Variants in PLCB1 observed in about 807,000 individuals in gnomAD.
PLCB1 encodes 1-phosphatidylinositol 4,5-bisphosphate phosphodiesterase beta-1.
A neutral mutation model predicts 161.8 loss-of-function variants in PLCB1; 46 were observed. That is an observed-to-expected ratio of 0.28 (90% CI 0.22 to 0.36). PLCB1 has a LOEUF of 0.36. Among genes scored for constraint, PLCB1 ranks in the 10% least tolerant of loss-of-function variants. The pLI, the probability that PLCB1 is intolerant of heterozygous loss-of-function variation, is 1.00. For missense variants in PLCB1, 1,016 were observed against 1,472.5 expected (o/e 0.69, Z 5.07); for synonymous variants, 517 against 503.7 (o/e 1.03, Z -0.35).
intron 2 of PLCB1, among the ~76,000 whole-genome samples, chr20:8,228,232 A>G (rs1397910177): frequency 1.3e-5 from 2 of 152,116 alleles, no homozygotes; most frequent in Admixed American, 6.5e-5. Context: ...GGCCCATACA[A>G]TTTTTACCCC....
At chr20:8,353,657 C>A (rs1258471157) in intron 2 of PLCB1, among the ~76,000 whole-genome samples, 1 of 152,088 alleles carries the variant, frequency 6.6e-6, no homozygotes, top group Non-Finnish European at 1.5e-5. Context: ...AGAAAAACAT[C>A]CTGTACCCAT....
intron 27 of PLCB1, among the ~76,000 whole-genome samples, chr20:8,781,667 C>A (rs1983245670): frequency 6.6e-6 from 1 of 152,064 alleles, no homozygotes; most frequent in Non-Finnish European, 1.5e-5. Flanking sequence ...CAATTTATAC[C>A]CAAACTGTGA....
At chr20:8,237,495 G>A (rs978884708) in intron 2 of PLCB1, among the ~76,000 whole-genome samples, 2 of 151,970 alleles carry the variant, frequency 1.3e-5, no homozygotes, top group Admixed American at 1.3e-4. Context: ...ACTTGTACTT[G>A]CCTCACATTT....
At chr20:8,492,063 T>C (rs566959669) in intron 3 of PLCB1, among the ~76,000 whole-genome samples, 106 of 152,274 alleles carry the variant, frequency 7.0e-4, no homozygotes, top group African/African-American at 2.4e-3. Flanking sequence ...TATATATTCT[T>C]GGTTCAAGGA....
chr20:8,487,649 G>A (rs942662536), intron 3 of PLCB1, among the ~76,000 whole-genome samples: 2 of 152,098 alleles, frequency 1.3e-5, no homozygotes, highest in African/African-American at 4.8e-5. Flanking sequence ...GAGAGGGTGG[G>A]GATATGTGAA....
At chr20:8,784,705 G>A (rs1013039075) in intron 27 of PLCB1, among the ~76,000 whole-genome samples, 1 of 152,100 alleles carries the variant, frequency 6.6e-6, no homozygotes, top group Admixed American at 6.5e-5. Context: ...TATACTCCTT[G>A]GGATTCTAGG....
intron 10 of PLCB1, among the ~76,000 whole-genome samples, chr20:8,695,675 C>A (rs1990569790): frequency 1.3e-5 from 2 of 152,084 alleles, no homozygotes; most frequent in African/African-American, 4.8e-5. Flanking sequence ...GCACTCTAGC[C>A]TCGGTGACAG....
chr20:8,826,683 C>G (rs1262630993), intron 31 of PLCB1, among the ~76,000 whole-genome samples: 2 of 152,162 alleles, frequency 1.3e-5, no homozygotes, highest in Non-Finnish European at 2.9e-5. Context: ...AACTCTCACT[C>G]ATCTCTCACT....
chr20:8,293,803 G>A (rs1437203698), intron 2 of PLCB1, among the ~76,000 whole-genome samples: 2 of 152,106 alleles, frequency 1.3e-5, no homozygotes, highest in African/African-American at 4.8e-5. Flanking sequence ...GATAAAACTG[G>A]CCAGTGAAAG....
At chr20:8,494,489 G>T (rs764362783) in intron 3 of PLCB1, among the ~76,000 whole-genome samples, 1 of 152,150 alleles carries the variant, frequency 6.6e-6, no homozygotes, top group African/African-American at 2.4e-5. Flanking sequence ...ATACTTGAAC[G>T]CTCTCTTTCA....
At position 8,737,062 on chromosome 20, in the gene PLCB1, T is replaced by C; in HGVS notation, c.2078T>C (p.Val693Ala). 1.2e-6 allele frequency: 2 copies of C among 1,613,526 alleles called. No individual in the cohort carries two copies. Among genetic ancestry groups the C allele is most frequent in the Non-Finnish European group, 1.7e-6 (2 of 1,179,578 alleles). Residue 693 changes from valine (V) to alanine (A), a missense_variant, in exon 20 of 32, where the codon GTT becomes GCT. Coordinates refer to ENST00000338037, the MANE Select transcript of PLCB1 (RefSeq NM_015192.4). The stretch of plus-strand genomic sequence containing the variant: ...GGTCAGTTTCTTTCTGATAAGAAAG[T>C]TGGGACTTACGTGGAAGTAGATATG... Reference protein sequence around the residue: ...ISGQFLSDKKVGTYVEVDMFG... With the variant: ...ISGQFLSDKKAGTYVEVDMFG...
In PLCB1 at chr20:8,849,625, G is replaced by A. The variant is rs370289554; in HGVS notation, c.3424-31997G>A. Among the ~76,000 whole-genome samples the A allele has an allele frequency of 4.6e-5, 7 of 151,722 alleles. No individual in the cohort carries two copies. In the East Asian group the frequency reaches 5.8e-4, roughly 13 times the overall value. Reference sequence around the variant, plus strand: ...TAGGAGGTGGAGGTTGCGTTGAGCCGAGATCATGCCACTGCACTCCAGCCT... The same window carrying A: ...TAGGAGGTGGAGGTTGCGTTGAGCCAAGATCATGCCACTGCACTCCAGCCT... On this transcript the variant is annotated intron_variant, in intron 31 of 31. Transcript: ENST00000338037.
Position 8,156,096 on chromosome 20 carries a change from C to T in PLCB1, c.177+5725C>T, listed in dbSNP as rs573730305. 5.9e-5 allele frequency among the ~76,000 whole-genome samples: 9 copies of T among 152,270 alleles called. No individual in the cohort carries two copies. In the South Asian group the frequency reaches 1.2e-3, roughly 21 times the overall value. ...CCTCACCACTCCTGAGAACATAAGC[C>T]GGGCTCCAGTGGCTGGCCAGTGCCT... On this transcript the variant is annotated intron_variant, in intron 2 of 31. Transcript: ENST00000338037.
intron 2 of PLCB1, among the ~76,000 whole-genome samples, chr20:8,215,616 G>A (rs2123152849): frequency 6.6e-6 from 1 of 152,118 alleles, no homozygotes; most frequent in Admixed American, 6.5e-5. Flanking sequence ...CTAGTTTGAG[G>A]CTAAGGCTAG....
intron 2 of PLCB1, among the ~76,000 whole-genome samples, chr20:8,299,469 T>C (rs944441359): frequency 2.0e-5 from 3 of 152,160 alleles, no homozygotes; most frequent in African/African-American, 7.2e-5. Flanking sequence ...CAGTCTTGCC[T>C]CAAGGGCATA....
At chr20:8,161,348 G>C (rs907366876) in intron 2 of PLCB1, among the ~76,000 whole-genome samples, 2 of 151,896 alleles carry the variant, frequency 1.3e-5, no homozygotes, top group African/African-American at 4.8e-5. Flanking sequence ...ATGCAATTTC[G>C]TCATTTCCAT....
intron 10 of PLCB1, among the ~76,000 whole-genome samples, chr20:8,693,479 C>T (rs544767708): frequency 6.6e-6 from 1 of 152,268 alleles, no homozygotes; most frequent in East Asian, 1.9e-4. Flanking sequence ...GGACAGTTTC[C>T]TCAGGTGTAG....
intron 3 of PLCB1, among the ~76,000 whole-genome samples, chr20:8,571,860 A>G (rs570484747): frequency 6.6e-6 from 1 of 152,314 alleles, no homozygotes; most frequent in Admixed American, 6.5e-5. Flanking sequence ...GGCTGATTAC[A>G]TATTTGCTGG....
At chr20:8,702,595 G>T (rs1383456136) in intron 11 of PLCB1, among the ~76,000 whole-genome samples, 1 of 152,146 alleles carries the variant, frequency 6.6e-6, no homozygotes, top group Non-Finnish European at 1.5e-5. Context: ...ACTGTTGTCT[G>T]TCGAGGATAA....
Sources: allele counts gnomAD v4.1 joint callset (sites outside exome capture counted in the v4.1 genomes callset), GRCh38; gene constraint gnomAD v4.1.1; transcripts MANE v1.5; gene names NCBI Gene and HGNC (gene_info 2026-07-23, HGNC 2026-07-21).